The following SPRY1 variants were observed in gnomAD, a reference collection of about 807,000 sequenced individuals.
SPRY1 encodes sprouty RTK signaling antagonist 1.
In SPRY1, 20 loss-of-function variants were observed where a neutral mutation model predicts 22.6. The observed-to-expected ratio is 0.89, with a 90% CI of 0.62 to 1.29. The LOEUF (loss-of-function observed/expected upper bound fraction) is 1.29, where lower values mean the gene tolerates loss of function less well. Ranked by LOEUF, SPRY1 falls within the 50% of genes most tolerant of loss-of-function variation. The pLI, the probability that SPRY1 is intolerant of heterozygous loss-of-function variation, is 0.00. For missense variants in SPRY1, 446 were observed against 387.7 expected (o/e 1.15, Z -1.26); for synonymous variants, 155 against 144.7 (o/e 1.07, Z -0.51).
At chr4:123,397,071 A>G (rs1224196224) in intron 1 of SPRY1, 139 bp downstream of exon 1, 1 of 152,250 alleles carries the variant, frequency 6.6e-6, no homozygotes, top group Non-Finnish European at 1.5e-5. Flanking sequence ...CACCGGTAGC[A>G]TTCCCACTGC....
chr4:123,397,590 A>G (rs955496873), intron 1 of SPRY1, 21 bp from the exon 2 acceptor site: 1 of 152,026 alleles, frequency 6.6e-6, no homozygotes, highest in Non-Finnish European at 1.5e-5. Context: ...ACGAGCTTCT[A>G]TCTCTAATTC....
rs1725233528 is a variant in SPRY1, at chr4:123,402,975, G to A, written c.*424G>A. ...CTGTTTAATTGCTTAAATAAGCTATGTATTAAATCTGTCTCCAGTTAGGGC... is the reference window on the plus strand; with the variant it reads ...CTGTTTAATTGCTTAAATAAGCTATATATTAAATCTGTCTCCAGTTAGGGC... On this transcript the variant is annotated 3_prime_UTR_variant, in exon 3 of 3. Coordinates refer to ENST00000651917, the MANE Select transcript of SPRY1 (RefSeq NM_001258038.2). The A allele has an allele frequency of 2.4e-6, 1 of 421,764 alleles. No individual in the cohort carries two copies. 26.1% of individuals were successfully genotyped at this position (421,764 alleles called of 1,614,324 possible).
Position 123,402,628 on chromosome 4 carries a change from G to GTTTTTC in SPRY1, c.*81_*82insTCTTTT. The GTTTTTC allele has an allele frequency of 6.6e-6, 10 of 1,513,462 alleles. No individual in the cohort carries two copies. Among genetic ancestry groups the GTTTTTC allele is most frequent in the Non-Finnish European group, 7.9e-6 (9 of 1,132,502 alleles). The allele number at this position is 1,513,462 out of a possible 1,614,324, so 93.8% of individuals were successfully genotyped here. A position where few individuals can be genotyped will look rare whatever the true frequency, so the allele number is the denominator to read the frequency against. On this transcript the variant is annotated 3_prime_UTR_variant, in exon 3 of 3. Coordinates refer to ENST00000651917, the MANE Select transcript of SPRY1 (RefSeq NM_001258038.2). ...GTTTTTTGTTTTTGTTTTTGTTTTT[G>GTTTTTC]TTTTCTTTAGAATTTTTCCCTGTTT...
intron 2 of SPRY1, among the ~76,000 whole-genome samples, chr4:123,399,189 C>T (rs1260977200): frequency 1.3e-5 from 2 of 152,086 alleles, no homozygotes; most frequent in African/African-American, 4.8e-5. Context: ...CCAGCCCGAC[C>T]AACTGATGAA....
Position 123,402,190 on chromosome 4 carries a change from C to T in SPRY1, c.599C>T (p.Ser200Phe). The change falls in exon 3 of 3, where the codon TCC (serine) becomes TTC (phenylalanine). Residue 200 changes from serine (S) to phenylalanine (F), a missense_variant. By Grantham distance (155) the Ser-to-Phe change is radical. Transcript: ENST00000651917. ...TGCACTGCTCCCAGGACCCTACCAT[C>T]CTGTTTGGCCTGTAACCGGCAGTGC... is the stretch of plus-strand genomic sequence containing the variant. ...GECTAPRTLP[S>F]CLACNRQCLC... 2 of 1,614,210 alleles carry T rather than the reference C, an allele frequency of 1.2e-6. No individual in the cohort carries two copies. Among genetic ancestry groups the T allele is most frequent in the Non-Finnish European group, 1.7e-6 (2 of 1,180,032 alleles).
At chr4:123,397,195 AAC>A (rs1274796828) in intron 1 of SPRY1, among the ~76,000 whole-genome samples, 1 of 152,170 alleles carries the variant, frequency 6.6e-6, no homozygotes, top group African/African-American at 2.4e-5. Flanking sequence ...GAATTTGTGA[AAC>A]ACAGAGCCGT....
intron 2 of SPRY1, among the ~76,000 whole-genome samples, chr4:123,398,800 G>A (rs2126194989): frequency 6.6e-6 from 1 of 152,296 alleles, no homozygotes; most frequent in African/African-American, 2.4e-5. Context: ...TACCCGGAGC[G>A]GCGGCGCGGT....
Position 123,402,954 on chromosome 4 carries a change from T to C in SPRY1, c.*403T>C. On this transcript the variant is annotated 3_prime_UTR_variant, in exon 3 of 3. Coordinates refer to ENST00000651917, the MANE Select transcript of SPRY1 (RefSeq NM_001258038.2). ...AATTGGTTTTTTAAAAAGCAACTGT[T>C]TAATTGCTTAAATAAGCTATGTATT... is the stretch of plus-strand genomic sequence containing the variant. The C allele has an allele frequency of 2.3e-6, 1 of 429,154 alleles. No individual in the cohort carries two copies. Among genetic ancestry groups the C allele is most frequent in the East Asian group, 3.4e-5 (1 of 29,224 alleles). The allele number at this position is 429,154 out of a possible 1,614,324, so 26.6% of individuals were successfully genotyped here.
At position 123,403,010 on chromosome 4, in the gene SPRY1, A is replaced by C; in HGVS notation, c.*459A>C. On this transcript the variant is annotated 3_prime_UTR_variant, in exon 3 of 3. Coordinates refer to ENST00000651917, the MANE Select transcript of SPRY1 (RefSeq NM_001258038.2). ...TGTCTCCAGTTAGGGCTATCTTCCTAGCATAGGCCCCTTAAGTAGCATGGG... is the reference window on the plus strand; with the variant it reads ...TGTCTCCAGTTAGGGCTATCTTCCTCGCATAGGCCCCTTAAGTAGCATGGG... 1 of 411,438 alleles carries C rather than the reference A, an allele frequency of 2.4e-6. No individual in the cohort carries two copies. Among genetic ancestry groups the C allele is most frequent in the Non-Finnish European group, 4.4e-6 (1 of 225,230 alleles). 25.5% of individuals were successfully genotyped at this position (411,438 alleles called of 1,614,324 possible). A position where few individuals can be genotyped will look rare whatever the true frequency, so the allele number is the denominator to read the frequency against.
chr4:123,402,234 A>G lies in SPRY1; in HGVS notation c.643A>G (p.Met215Val), dbSNP rs756048915. 2.5e-6 allele frequency: 4 copies of G among 1,614,260 alleles called. No individual in the cohort carries two copies. Among genetic ancestry groups the G allele is most frequent in the East Asian group, 2.2e-5 (1 of 44,890 alleles). ...GCAGTGCCTTTGCTCTGCTGAGAGC[A>G]TGGTGGAATATGGAACCTGCATGTG... ...NRQCLCSAES[M>V]VEYGTCMCLV... Residue 215 changes from methionine (M) to valine (V), a missense_variant, in exon 3 of 3, where the codon ATG becomes GTG. Coordinates refer to ENST00000651917, the MANE Select transcript of SPRY1 (RefSeq NM_001258038.2).
Position 123,402,529 on chromosome 4 carries a change from G to T in SPRY1, c.938G>T (p.Arg313Leu). 6.2e-7 allele frequency: 1 copy of T among 1,613,240 alleles called. No homozygotes were observed. The highest frequency in any genetic ancestry group is 8.5e-7 in the Non-Finnish European group (1 of 1,179,378). The part of the protein sequence containing the change: ...VYCKLESCPS[R>L]GQGKPS ...TGTAAGCTGGAGAGCTGCCCCTCCC[G>T]GGGTCAGGGTAAACCATCATGATTT... The change falls in exon 3 of 3, where the codon CGG (arginine) becomes CTG (leucine). Residue 313 changes from arginine (R) to leucine (L), a missense_variant. By Grantham distance (102) the Arg-to-Leu change is moderately radical (BLOSUM62 -2). Transcript: ENST00000651917.
At position 123,402,080 on chromosome 4, in the gene SPRY1, G is replaced by A. The variant is rs1192262044; in HGVS notation, c.489G>A (p.Val163=). Residue 163 remains valine, a synonymous_variant, in exon 3 of 3, where the codon GTG becomes GTA. Transcript: ENST00000651917. Reference sequence around the variant, plus strand: ...GGACCCAGCCCAAGCAACTGATTGTGGATGACTTGAAGGGTTCCTTGAAAG... The same window carrying A: ...GGACCCAGCCCAAGCAACTGATTGTAGATGACTTGAAGGGTTCCTTGAAAG... ...AIRTQPKQLI[V]DDLKGSLKED... is the part of the protein sequence containing the mutation. 1 of 1,614,184 alleles carries A rather than the reference G, an allele frequency of 6.2e-7. No individual in the cohort carries two copies. Among genetic ancestry groups the A allele is most frequent in the Non-Finnish European group, 8.5e-7 (1 of 1,180,040 alleles).
Position 123,401,632 on chromosome 4 carries a change from T to C in SPRY1, c.41T>C (p.Val14Ala). 3 of 1,614,168 alleles carry C rather than the reference T, an allele frequency of 1.9e-6. No homozygotes were observed. Among genetic ancestry groups the C allele is most frequent in the Non-Finnish European group, 2.5e-6 (3 of 1,180,024 alleles). Reference sequence around the variant, plus strand: ...CAACATGGCAGTGGCAGTTCGTTAGTTGTGATCCAGCAGCCTTCTTTGGAT... The same window carrying C: ...CAACATGGCAGTGGCAGTTCGTTAGCTGTGATCCAGCAGCCTTCTTTGGAT... ...QNQHGSGSSL[V>A]VIQQPSLDSR... Residue 14 changes from valine to alanine, a missense_variant, in exon 3 of 3, where the codon GTT becomes GCT. By Grantham distance (64) the Val-to-Ala change is moderately conservative. Transcript: ENST00000651917.
chr4:123,402,765 A>G lies in SPRY1; in HGVS notation c.*214A>G, dbSNP rs551280675. 6 of 628,270 alleles carry G rather than the reference A, an allele frequency of 9.6e-6. No homozygotes were observed. The highest frequency in any genetic ancestry group is 5.6e-5 in the East Asian group (2 of 35,688). 38.9% of individuals were successfully genotyped at this position (628,270 alleles called of 1,614,324 possible). A position where few individuals can be genotyped will look rare whatever the true frequency, so the allele number is the denominator to read the frequency against. On this transcript the variant is annotated 3_prime_UTR_variant, in exon 3 of 3. Coordinates refer to ENST00000651917, the MANE Select transcript of SPRY1 (RefSeq NM_001258038.2). Reference sequence around the variant, plus strand: ...AAGCTGCACCTGGCTCCCACTTTCAACAAGAGCCTCTGCCATCCACTTGAG... The same window carrying G: ...AAGCTGCACCTGGCTCCCACTTTCAGCAAGAGCCTCTGCCATCCACTTGAG...
At position 123,402,819 on chromosome 4, in the gene SPRY1, AG is replaced by A; in HGVS notation, c.*269del. 1 of 530,730 alleles carries A rather than the reference AG, an allele frequency of 1.9e-6. No individual in the cohort carries two copies. The highest frequency in any genetic ancestry group is 3.4e-6 in the Non-Finnish European group (1 of 296,636). The allele number at this position is 530,730 out of a possible 1,614,324, so 32.9% of individuals were successfully genotyped here. On this transcript the variant is annotated 3_prime_UTR_variant, in exon 3 of 3. Coordinates refer to ENST00000651917, the MANE Select transcript of SPRY1 (RefSeq NM_001258038.2). ...ATTGAGAGCCAGTGGGCTTTTGTGT[AG>A]CCTTTTTGTTCTGCAAGCAACTTTC...
Position 123,402,051 on chromosome 4 carries a change from A to G in SPRY1, c.460A>G (p.Ile154Val). Residue 154 changes from isoleucine (I) to valine (V), a missense_variant, in exon 3 of 3, where the codon ATC (isoleucine) becomes GTC (valine). Transcript: ENST00000651917. ...PVPGHRSERA[I>V]RTQPKQLIVD... ...CCCTGGTCATAGGTCTGAAAGGGCA[A>G]TCCGGACCCAGCCCAAGCAACTGAT... The G allele has an allele frequency of 6.2e-7, 1 of 1,614,188 alleles. No homozygotes were observed. The highest frequency in any genetic ancestry group is 8.5e-7 in the Non-Finnish European group (1 of 1,180,026).
rs147856839 is a variant in SPRY1, at chr4:123,401,858, C to T, written c.267C>T (p.Tyr89=). The T allele has an allele frequency of 2.5e-5, 41 of 1,614,090 alleles. No individual in the cohort carries two copies. Among genetic ancestry groups the T allele is most frequent in the African/African-American group, 9.3e-5 (7 of 74,932 alleles). ...TACCAATTAATGTGAATAATAACTACGAGCACAGACACACAAGCCACCTGG... is the reference window on the plus strand; with the variant it reads ...TACCAATTAATGTGAATAATAACTATGAGCACAGACACACAAGCCACCTGG... ...EIIPINVNNN[Y]EHRHTSHLGH... is the part of the protein sequence containing the mutation. The change falls in exon 3 of 3, where the codon TAC becomes TAT. Residue 89 remains tyrosine, a synonymous_variant. Coordinates refer to ENST00000651917, the MANE Select transcript of SPRY1 (RefSeq NM_001258038.2).
At chr4:123,400,274 G>C (rs1400888424) in intron 2 of SPRY1, 1 of 152,196 alleles carries the variant, frequency 6.6e-6, no homozygotes, top group Non-Finnish European at 1.5e-5. Flanking sequence ...ACGAGGGGGA[G>C]CTCCAAGAAG....
intron 2 of SPRY1, chr4:123,398,317 A>C (rs1034030425): frequency 1.3e-5 from 2 of 151,796 alleles, no homozygotes; most frequent in Non-Finnish European, 2.9e-5. Context: ...TGCCCTCCGC[A>C]GCCGGAAGGG....
Sources: gnomAD v4.1 joint callset for allele counts (sites outside exome capture counted in the v4.1 genomes callset) on GRCh38, gnomAD v4.1.1 for gene constraint, MANE v1.5 for transcripts, NCBI Gene and HGNC (gene_info 2026-07-23, HGNC 2026-07-21) for gene names.